Variants in DCLK1 observed in about 807,000 individuals in gnomAD.
The protein encoded by DCLK1 is serine/threonine-protein kinase DCLK1.
A neutral mutation model predicts 86.2 loss-of-function variants in DCLK1; 16 were observed. That is an observed-to-expected ratio of 0.19 (90% CI 0.13 to 0.28). The LOEUF is 0.28. Among genes scored for constraint, DCLK1 ranks in the 10% least tolerant of loss-of-function variants. The pLI, the probability that DCLK1 is intolerant of heterozygous loss-of-function variation, is 1.00. For synonymous variants in DCLK1, 369 were observed against 370.5 expected, an observed-to-expected ratio of 1.00 and a Z score of 0.05; for missense variants, 590 against 940.2, an observed-to-expected ratio of 0.63 and a Z score of 4.87.
chr13:35,962,400 G>A (rs1433186096), intron 3 of DCLK1, among the ~76,000 whole-genome samples: 2 of 152,088 alleles, frequency 1.3e-5, no homozygotes, highest in South Asian at 2.1e-4. Context: ...CGTAAGCCAC[G>A]GAACACCAAA....
At chr13:35,911,015 G>A (rs1874990339) in intron 4 of DCLK1, among the ~76,000 whole-genome samples, 1 of 151,860 alleles carries the variant, frequency 6.6e-6, no homozygotes, top group African/African-American at 2.4e-5. Context: ...CAGGCATGGC[G>A]GCTGATGCCT....
chr13:36,112,337 TG>T, intron 2 of DCLK1, 122 bp from the exon 3 acceptor site: 1 of 657,146 alleles, frequency 1.5e-6, no homozygotes, highest in Non-Finnish European at 2.4e-6. Context: ...TTTCAAACAA[TG>T]GAAGTGTGAT....
At chr13:36,102,941 C>T (rs1269529983) in intron 3 of DCLK1, among the ~76,000 whole-genome samples, 1 of 152,106 alleles carries the variant, frequency 6.6e-6, no homozygotes, top group Non-Finnish European at 1.5e-5. Flanking sequence ...GGGGATCTGA[C>T]CCTGGACAAT....
intron 3 of DCLK1, among the ~76,000 whole-genome samples, chr13:36,020,941 A>G (rs1393441186): frequency 6.6e-6 from 1 of 152,222 alleles, no homozygotes. Flanking sequence ...GGCAAAGGTA[A>G]CCAAGTACAT....
At chr13:35,845,900 G>A (rs1870140911) in intron 6 of DCLK1, 2 of 983,780 alleles carry the variant, frequency 2.0e-6, no homozygotes, top group Non-Finnish European at 2.4e-6. Flanking sequence ...GAACAACATA[G>A]GCAGTTTTTC....
intron 4 of DCLK1, among the ~76,000 whole-genome samples, chr13:35,890,094 A>G (rs1486790987): frequency 1.3e-5 from 2 of 152,120 alleles, no homozygotes; most frequent in East Asian, 3.9e-4. Flanking sequence ...TTTTAAATGT[A>G]AAAATGTTCT....
intron 14 of DCLK1, among the ~76,000 whole-genome samples, chr13:35,807,108 A>G (rs1157442428): frequency 6.6e-6 from 1 of 152,240 alleles, no homozygotes; most frequent in Non-Finnish European, 1.5e-5. Context: ...TCGGAGACAT[A>G]AATTTTAAAA....
intron 4 of DCLK1, among the ~76,000 whole-genome samples, chr13:35,905,286 T>C (rs1479544368): frequency 6.6e-6 from 1 of 152,236 alleles, no homozygotes; most frequent in Non-Finnish European, 1.5e-5. Flanking sequence ...TGGGCCTTGG[T>C]TGAGCTAAGC....
intron 3 of DCLK1, among the ~76,000 whole-genome samples, chr13:36,093,292 AT>A (rs1265623502): frequency 1.3e-5 from 2 of 152,192 alleles, no homozygotes; most frequent in African/African-American, 2.4e-5. Flanking sequence ...TATATTTTTC[AT>A]TTTGATTGAC....
chr13:35,799,696 T>C (rs1249648936), intron 15 of DCLK1, among the ~76,000 whole-genome samples: 1 of 152,118 alleles, frequency 6.6e-6, no homozygotes, highest in Admixed American at 6.5e-5. Context: ...ATGACAGCAA[T>C]ATATTTAAAA....
intron 5 of DCLK1, among the ~76,000 whole-genome samples, chr13:35,866,632 T>TG: frequency 6.6e-6 from 1 of 151,370 alleles, no homozygotes; most frequent in East Asian, 2.0e-4. Context: ...TTTTTTTTTT[T>TG]TAGAGACCAG....
intron 3 of DCLK1, among the ~76,000 whole-genome samples, chr13:35,966,681 T>A (rs1224273675): frequency 6.6e-6 from 1 of 152,030 alleles, no homozygotes; most frequent in African/African-American, 2.4e-5. Flanking sequence ...GTTTTCGTAT[T>A]TTTTGGTGGA....
At position 35,808,288 on chromosome 13, in the gene DCLK1, T is replaced by C; in HGVS notation, c.1799A>G (p.Gln600Arg). The change falls in exon 14 of 17, where the codon CAG (glutamine) becomes CGG (arginine). Residue 600 changes from glutamine to arginine, a missense_variant. Physicochemically the swap from Gln to Arg is conservative, Grantham distance 43 (BLOSUM62 1). This residue lies in a region of DCLK1 where 146 missense variants were observed against 190.2 expected (regional missense o/e 0.77). Transcript: ENST00000360631. ...SGDDQEVLFD[Q>R]ILMGQVDFPS... is the part of the protein sequence containing the mutation. ...AAAGTCCACCTGCCCCATCAAAATC[T>C]GATCAAAAAGCACCTCCTGGTCATC... 5.6e-6 allele frequency: 9 copies of C among 1,614,056 alleles called. No individual in the cohort carries two copies. Among genetic ancestry groups the C allele is most frequent in the Non-Finnish European group, 7.6e-6 (9 of 1,179,958 alleles).
chr13:36,021,027 A>T (rs954398218), intron 3 of DCLK1, among the ~76,000 whole-genome samples: 1 of 152,186 alleles, frequency 6.6e-6, no homozygotes, highest in Admixed American at 6.5e-5. Context: ...CTTCTATCTG[A>T]TTCAAAGTGC....
At chr13:35,798,115 C>T (rs757494610) in intron 15 of DCLK1, among the ~76,000 whole-genome samples, 1 of 152,130 alleles carries the variant, frequency 6.6e-6, no homozygotes, top group Non-Finnish European at 1.5e-5. Context: ...GCAACTGACA[C>T]GAACAAAATT....
At chr13:35,793,327 C>A in intron 16 of DCLK1, 39 bp downstream of exon 16, 1 of 1,550,864 alleles carries the variant, frequency 6.4e-7, no homozygotes, top group Non-Finnish European at 8.8e-7. Context: ...AGGTGGGTTG[C>A]TTTAAAAAAA....
chr13:35,779,177 T>A (rs1263246795), intron 16 of DCLK1, among the ~76,000 whole-genome samples: 2 of 152,122 alleles, frequency 1.3e-5, no homozygotes, highest in African/African-American at 4.8e-5. Context: ...GGGTTCACCA[T>A]GTTGGCCTGG....
rs968774661 is a variant in DCLK1 at position 35,772,178 on chromosome 13, GC to G, written c.*2356del. On this transcript the variant is annotated 3_prime_UTR_variant, in exon 17 of 17. Coordinates refer to ENST00000360631, the MANE Select transcript of DCLK1 (RefSeq NM_001330071.2). The stretch of plus-strand genomic sequence containing the variant: ...GTGCTGGGATCCCCATGCTGAATGG[GC>G]CCTGCATTCTTCTGAGCTGCCCTTC... 1 of 152,178 alleles carries G rather than the reference GC, an allele frequency of 6.6e-6. No homozygotes were observed. Among genetic ancestry groups the G allele is most frequent in the Non-Finnish European group, 1.5e-5 (1 of 68,062 alleles). 9.4% of individuals were successfully genotyped at this position (152,178 alleles called of 1,614,324 possible).
rs148316655 is a variant in DCLK1 at position 35,820,908 on chromosome 13, T to C, written c.1554+1821A>G. ...CAGCATAATTGCAATTAACTAATTG[T>C]GTGCATATTTGTTTCTTGAATGCTT... On this transcript the variant is annotated intron_variant, in intron 11 of 16. Transcript: ENST00000360631. 1.3e-4 allele frequency among the ~76,000 whole-genome samples: 20 copies of C among 152,354 alleles called. No homozygotes were observed. In the East Asian group the frequency reaches 3.9e-3, roughly 29 times the overall value.
Sources: gnomAD v4.1 joint callset for allele counts (sites outside exome capture counted in the v4.1 genomes callset) on GRCh38, gnomAD v4.1.1 for gene constraint, gnomAD v4.1.1 regional missense constraint, MANE v1.5 for transcripts, NCBI Gene and HGNC (gene_info 2026-07-23, HGNC 2026-07-21) for gene names.